The following PCDHGB4 variants were observed in gnomAD, a reference collection of about 807,000 sequenced individuals.
The protein encoded by PCDHGB4 is protocadherin gamma subfamily B, 4.
Under a neutral mutation model 60.5 loss-of-function variants are expected in PCDHGB4, and 38 were observed. The ratio of observed to expected loss-of-function variants is 0.63; its 90% CI spans 0.48 to 0.82. The LOEUF (loss-of-function observed/expected upper bound fraction) is 0.82, where lower values mean the gene tolerates loss of function less well. Among genes scored for constraint, PCDHGB4 ranks in the 40% least tolerant of loss-of-function variants. PCDHGB4 has a pLI of 0.00. For synonymous variants in PCDHGB4, 456 were observed against 509.7 expected, an observed-to-expected ratio of 0.89 and a Z score of 1.42; for missense variants, 1,109 against 1,209.6, an observed-to-expected ratio of 0.92 and a Z score of 1.23.
rs1182148013 is a variant in PCDHGB4, at chr5:141,431,510, G to C, written c.2397+41229G>C. On this transcript the variant is annotated intron_variant, in intron 1 of 3. Transcript: ENST00000519479. This position sits in a 1 kb window ranked among gnomAD's most constrained non-coding sequence, Gnocchi z 4.8. ...TGCTCAGCCCGAGTACCGCGCGAGC[G>C]TTCCGGAGAATCTGGCCTTGGGCAC... 6.2e-7 allele frequency: 1 copy of C among 1,614,022 alleles called. No homozygotes were observed. The highest frequency in any genetic ancestry group is 8.5e-7 in the Non-Finnish European group (1 of 1,180,026).
Position 141,486,979 on chromosome 5 carries a change from C to T in PCDHGB4, c.2398-7828C>T. On this transcript the variant is annotated intron_variant, in intron 1 of 3. Transcript: ENST00000519479. This position sits in a 1 kb window ranked among gnomAD's most constrained non-coding sequence, Gnocchi z 5.0. ...CTGCTGTGGACTTGGATTCAGGTTACAATGCTTGGGTTTCCTATCAGCTCC... is the reference window on the plus strand; with the variant it reads ...CTGCTGTGGACTTGGATTCAGGTTATAATGCTTGGGTTTCCTATCAGCTCC... 6.2e-7 allele frequency: 1 copy of T among 1,614,200 alleles called. No individual in the cohort carries two copies. Among genetic ancestry groups the T allele is most frequent in the Non-Finnish European group, 8.5e-7 (1 of 1,180,032 alleles).
In PCDHGB4 at chr5:141,475,307, T is replaced by C. The variant is rs527879991; in HGVS notation, c.2398-19500T>C. The stretch of plus-strand genomic sequence containing the variant: ...GGTAGGGAAATTTCTTATTGCTCCC[T>C]GGTTCTTAAGAAATGAGAGCTAACA... On this transcript the variant is annotated intron_variant, in intron 1 of 3. Transcript: ENST00000519479. 2.8e-4 allele frequency among the ~76,000 whole-genome samples: 43 copies of C among 152,348 alleles called. 1 individual carries two copies. Among genetic ancestry groups the C allele is most frequent in the Admixed American group, 8.5e-4 (13 of 15,298 alleles).
chr5:141,421,642 G>A, intron 1 of PCDHGB4: 1 of 1,613,850 alleles, frequency 6.2e-7, no homozygotes, highest in South Asian at 1.1e-5. Flanking sequence ...GGAGGACGAA[G>A]TGGAGATAAA....
intron 2 of PCDHGB4, among the ~76,000 whole-genome samples, chr5:141,500,136 A>G (rs966215589): frequency 6.6e-6 from 1 of 151,606 alleles, no homozygotes; most frequent in African/African-American, 2.4e-5. Flanking sequence ...ATATCTTTCT[A>G]AACTTTTCTT....
intron 1 of PCDHGB4, chr5:141,408,303 G>T: frequency 1.2e-6 from 2 of 1,613,794 alleles, no homozygotes; most frequent in South Asian, 1.1e-5. Context: ...GAGCCGATCC[G>T]CTACTCGATT....
At chr5:141,500,223 T>G (rs1034982746) in intron 2 of PCDHGB4, among the ~76,000 whole-genome samples, 16 of 145,318 alleles carry the variant, frequency 1.1e-4, no homozygotes, top group African/African-American at 3.4e-4. Context: ...TTTATTTATT[T>G]ATTGATACGT....
chr5:141,508,527 GCACC>G (rs2099869479), intron 3 of PCDHGB4, among the ~76,000 whole-genome samples: 1 of 152,104 alleles, frequency 6.6e-6, no homozygotes, highest in Non-Finnish European at 1.5e-5. Flanking sequence ...CAACCTCAGG[GCACC>G]CCCCACGAGG....
rs1165142153 is a variant in PCDHGB4 at position 141,402,786 on chromosome 5, G to A, written c.2397+12505G>A. On this transcript the variant is annotated intron_variant, in intron 1 of 3. Transcript: ENST00000519479. ...ACTCCATCCGGATTTCCAGTTCTGC[G>A]GCTACACAAAACCCGGCAGATACCA... 3.3e-6 allele frequency: 3 copies of A among 907,574 alleles called. No homozygotes were observed. The African/African-American group carries it at 5.0e-5, about 15-fold the overall frequency. 56.2% of individuals were successfully genotyped at this position (907,574 alleles called of 1,614,324 possible).
intron 1 of PCDHGB4, among the ~76,000 whole-genome samples, chr5:141,456,073 A>G (rs1490650582): frequency 2.6e-5 from 4 of 151,252 alleles, no homozygotes; most frequent in Non-Finnish European, 5.9e-5. Flanking sequence ...AATTTTTTGT[A>G]TTTTCAGTAG....
chr5:141,399,780 A>G (rs1444494014), intron 1 of PCDHGB4: 1 of 1,613,288 alleles, frequency 6.2e-7, no homozygotes, highest in Non-Finnish European at 8.5e-7. Flanking sequence ...TGGGCGACCG[A>G]AACGACAACG....
chr5:141,469,511 G>A (rs2099203340), intron 1 of PCDHGB4, among the ~76,000 whole-genome samples: 1 of 152,038 alleles, frequency 6.6e-6, no homozygotes, highest in African/African-American at 2.4e-5. Flanking sequence ...GGAGGTGGAG[G>A]TTGCAGTGAG....
rs11410533 is a variant in PCDHGB4, at chr5:141,429,387, TAAAA to T, written c.2397+39111_2397+39114del. Among the ~76,000 whole-genome samples, 383 of 151,446 alleles carry T rather than the reference TAAAA, an allele frequency of 2.5e-3. 1 individual carries two copies. The highest frequency in any genetic ancestry group is 4.2e-3 in the South Asian group (20 of 4,786). ...AAATGGAGAAAATGTGTTTTTTTTT[TAAAA>T]AAAATTGAGATTAAGGTCTCATTAT... On this transcript the variant is annotated intron_variant, in intron 1 of 3. Transcript: ENST00000519479.
Position 141,413,166 on chromosome 5 carries a change from C to T in PCDHGB4, c.2397+22885C>T, listed in dbSNP as rs758193163. ...GTGAGGACTTTGCAGAATTCTGTAA[C>T]CAGACTACAATGGCCGCTCAAAGGA... On this transcript the variant is annotated intron_variant, in intron 1 of 3. Transcript: ENST00000519479. 5 of 1,590,278 alleles carry T rather than the reference C, an allele frequency of 3.1e-6. No individual in the cohort carries two copies. The East Asian group carries it at 1.1e-4, about 36-fold the overall frequency.
chr5:141,485,151 T>G lies in PCDHGB4; in HGVS notation c.2398-9656T>G. The G allele has an allele frequency of 2.5e-6, 4 of 1,584,876 alleles. No individual in the cohort carries two copies. Among genetic ancestry groups the G allele is most frequent in the Non-Finnish European group, 3.5e-6 (4 of 1,156,528 alleles). ...GCTTCATCCGCGTCTCAGGAGCAAG[T>G]AGAGAATTAGCGGGCGGCAGCAATG... On this transcript the variant is annotated intron_variant, in intron 1 of 3. Coordinates refer to ENST00000519479, the MANE Select transcript of PCDHGB4 (RefSeq NM_003736.4). The surrounding 1 kb of genome is among the most constrained non-coding windows in gnomAD (Gnocchi z 5.7).
At chr5:141,419,796 T>A in intron 1 of PCDHGB4, 1 of 1,614,026 alleles carries the variant, frequency 6.2e-7, no homozygotes. Flanking sequence ...CTAGTCGCTG[T>A]AAGAGATGGA....
chr5:141,389,191 T>G lies in PCDHGB4; in HGVS notation c.1307T>G (p.Ile436Ser). The G allele has an allele frequency of 6.2e-7, 1 of 1,614,050 alleles. No individual in the cohort carries two copies. The highest frequency in any genetic ancestry group is 1.3e-5 in the African/African-American group (1 of 75,074). The change falls in exon 1 of 4, where the codon ATC becomes AGC. Residue 436 changes from isoleucine to serine, a missense_variant. Physicochemically the swap from Ile to Ser is moderately radical, Grantham distance 142. Around this residue, in one of 2 missense-constraint regions of PCDHGB4, gnomAD observed 1,068 missense variants for 1,089.9 expected, o/e 0.98. Coordinates refer to ENST00000519479, the MANE Select transcript of PCDHGB4 (RefSeq NM_003736.4). ...CCTCCCCTCTCCTCCAGTTCCAGCA[T>G]CACCCTGCACATTGGTGATGTAAAT... ...GKPPLSSSSS[I>S]TLHIGDVNDN...
chr5:141,415,594 G>A (rs753362668), intron 1 of PCDHGB4: 1 of 1,613,866 alleles, frequency 6.2e-7, no homozygotes, highest in Non-Finnish European at 8.5e-7. Context: ...TCCTATAGAG[G>A]ATACCCCATT....
rs1387371856 is a variant in PCDHGB4, at chr5:141,388,270, A to G, written c.386A>G (p.His129Arg). Reference protein sequence around the residue: ...VNVEIEDINDHTPKFTQNSFE... With the variant: ...VNVEIEDINDRTPKFTQNSFE... ...GTGGAGATCGAGGACATTAATGACC[A>G]CACGCCAAAATTCACGCAAAATTCC... Residue 129 changes from histidine to arginine, a missense_variant, in exon 1 of 4, where the codon CAC becomes CGC. Around this residue, in one of 2 missense-constraint regions of PCDHGB4, gnomAD observed 1,068 missense variants for 1,089.9 expected, o/e 0.98. Coordinates refer to ENST00000519479, the MANE Select transcript of PCDHGB4 (RefSeq NM_003736.4). The G allele has an allele frequency of 6.3e-7, 1 of 1,596,568 alleles. No individual in the cohort carries two copies. Among genetic ancestry groups the G allele is most frequent in the Non-Finnish European group, 8.5e-7 (1 of 1,172,412 alleles).
At position 141,388,785 on chromosome 5, in the gene PCDHGB4, G is replaced by T; in HGVS notation, c.901G>T (p.Val301Phe). 6.2e-7 allele frequency: 1 copy of T among 1,613,868 alleles called. No homozygotes were observed. The highest frequency in any genetic ancestry group is 1.1e-5 in the South Asian group (1 of 91,070). The change falls in exon 1 of 4, where the codon GTT (valine) becomes TTT (phenylalanine). Residue 301 changes from valine (V) to phenylalanine (F), a missense_variant. By Grantham distance (50) the Val-to-Phe change is conservative (BLOSUM62 -1). This residue lies in a region of PCDHGB4 where 1,068 missense variants were observed against 1,089.9 expected (regional missense o/e 0.98). Coordinates refer to ENST00000519479, the MANE Select transcript of PCDHGB4 (RefSeq NM_003736.4). The stretch of plus-strand genomic sequence containing the variant: ...GAACTCTAACACCGGGGAAATTACT[G>T]TTTTAAATACATTAGATTTTGAAGA... ...DLNSNTGEIT[V>F]LNTLDFEEVK...
Sources: gnomAD v4.1 joint callset for allele counts (sites outside exome capture counted in the v4.1 genomes callset) on GRCh38, gnomAD v4.1.1 for gene constraint, gnomAD v4.1.1 regional missense constraint, Gnocchi (gnomAD v3.1) non-coding constraint, MANE v1.5 for transcripts, NCBI Gene and HGNC (gene_info 2026-07-23, HGNC 2026-07-21) for gene names.